Variants in DNAH3 observed in about 807,000 individuals in gnomAD.
DNAH3 encodes dynein axonemal heavy chain 3, also known as axonemal beta dynein heavy chain 3.
In DNAH3, 332 loss-of-function variants were observed where a neutral mutation model predicts 432.5. The observed-to-expected ratio is 0.77, with a 90% CI of 0.70 to 0.84. The LOEUF is 0.84. DNAH3 is among the 40% of genes least tolerant of loss of function. The pLI is 0.00. For synonymous variants in DNAH3, 1,956 were observed against 1,900.2 expected (o/e 1.03, Z -0.76); for missense variants, 4,861 against 5,114.0 (o/e 0.95, Z 1.51).
At chr16:21,153,907 A>T (rs927318941) in intron 1 of DNAH3, among the ~76,000 whole-genome samples, 41 of 152,182 alleles carry the variant, frequency 2.7e-4, no homozygotes, top group Admixed American at 9.8e-4. Context: ...CTTTCAAAAT[A>T]ACCCTGAGCT....
chr16:21,100,636 G>A (rs2091813686), intron 16 of DNAH3, among the ~76,000 whole-genome samples: 1 of 152,068 alleles, frequency 6.6e-6, no homozygotes, highest in East Asian at 1.9e-4. Context: ...CCCTTTTATG[G>A]CAGAGAGCAG....
Position 21,062,899 on chromosome 16 carries a change from G to T in DNAH3, c.3519-216C>A. On this transcript the variant is annotated intron_variant, in intron 24 of 61. Coordinates refer to ENST00000261383, the Ensembl canonical transcript of DNAH3. ...GATGAGGTCTTGCCATATTGCCCAGGCTAGACTTGAACTCCTGGGCTCAAG... is the reference window on the plus strand; with the variant it reads ...GATGAGGTCTTGCCATATTGCCCAGTCTAGACTTGAACTCCTGGGCTCAAG... The T allele has an allele frequency of 7.5e-6, 4 of 535,134 alleles. No individual in the cohort carries two copies. In the South Asian group the frequency reaches 9.4e-5, roughly 13 times the overall value. The allele number at this position is 535,134 out of a possible 1,614,324, so 33.1% of individuals were successfully genotyped here. A position where few individuals can be genotyped will look rare whatever the true frequency, so the allele number is the denominator to read the frequency against.
chr16:20,971,979 A>G (rs2085362076), intron 51 of DNAH3, among the ~76,000 whole-genome samples: 1 of 152,226 alleles, frequency 6.6e-6, no homozygotes, highest in Non-Finnish European at 1.5e-5. Flanking sequence ...GCAAAAATTG[A>G]GCCCTGATGT....
At chr16:21,012,438 A>G (rs1256696406) in intron 41 of DNAH3, among the ~76,000 whole-genome samples, 1 of 152,246 alleles carries the variant, frequency 6.6e-6, no homozygotes, top group South Asian at 2.1e-4. Context: ...AAAGAAGAAG[A>G]AATTTAAATT....
chr16:21,093,923 T>C (rs76202281), intron 18 of DNAH3, among the ~76,000 whole-genome samples: 4,145 of 152,176 alleles, frequency 0.027, 125 homozygotes, highest in African/African-American at 0.069. Context: ...AAATGGACCA[T>C]AGGTCTAAAT....
chr16:20,987,578 A>ATT, intron 46 of DNAH3, 115 bp downstream of exon 46: 1 of 1,523,628 alleles, frequency 6.6e-7, no homozygotes, highest in Non-Finnish European at 9.0e-7. Context: ...GCTTAGCACA[A>ATT]TGCCTAGCAT....
intron 26 of DNAH3, 84 bp from the exon 27 acceptor site, chr16:21,058,280 A>T (rs2090206766): frequency 2.8e-6 from 2 of 724,904 alleles, no homozygotes; most frequent in Non-Finnish European, 4.8e-6. Flanking sequence ...CAACCACCTC[A>T]CCACCGCAAC....
chr16:20,981,907 T>C (rs923990090), intron 49 of DNAH3, among the ~76,000 whole-genome samples: 2 of 150,348 alleles, frequency 1.3e-5, no homozygotes, highest in African/African-American at 2.4e-5. Context: ...AATAAAATGC[T>C]TTTTTTATAT....
At chr16:21,121,424 C>T (rs969047020) in intron 10 of DNAH3, among the ~76,000 whole-genome samples, 1 of 152,100 alleles carries the variant, frequency 6.6e-6, no homozygotes, top group African/African-American at 2.4e-5. Flanking sequence ...AATAAGCACA[C>T]AGAAGAGTGA....
rs531150868 is a variant in DNAH3, at chr16:21,057,239, G to A, written c.3924+847C>T. On this transcript the variant is annotated intron_variant, in intron 27 of 61. Transcript: ENST00000261383. ...CCCTGGCCAACATAGTGAGACCCCCGTCTCTAGTTTAAAAAATAGAAAAAG... is the reference window on the plus strand; with the variant it reads ...CCCTGGCCAACATAGTGAGACCCCCATCTCTAGTTTAAAAAATAGAAAAAG... Among the ~76,000 whole-genome samples, 155 of 152,164 alleles carry A rather than the reference G, an allele frequency of 1.0e-3. 1 individual carries two copies. Among genetic ancestry groups the A allele is most frequent in the African/African-American group, 3.2e-3 (132 of 41,516 alleles).
At chr16:21,060,730 T>C (rs1361829926) in intron 25 of DNAH3, among the ~76,000 whole-genome samples, 3 of 151,564 alleles carry the variant, frequency 2.0e-5, no homozygotes, top group Non-Finnish European at 4.4e-5. Context: ...TTTCACCATG[T>C]TGGCCAGGAT....
intron 18 of DNAH3, among the ~76,000 whole-genome samples, chr16:21,088,468 T>G (rs1036775489): frequency 2.0e-5 from 3 of 152,206 alleles, no homozygotes. Context: ...AGCATTTCTA[T>G]TAGAAGCAAT....
At chr16:20,997,177 G>A (rs970666096) in intron 44 of DNAH3, 106 bp downstream of exon 44, 14 of 1,086,076 alleles carry the variant, frequency 1.3e-5, no homozygotes, top group African/African-American at 1.1e-4. Flanking sequence ...CTCCTGCCAC[G>A]TGGTTTGGCA....
chr16:21,002,174 C>T (rs756211872), intron 42 of DNAH3, among the ~76,000 whole-genome samples: 2 of 152,058 alleles, frequency 1.3e-5, no homozygotes, highest in Non-Finnish European at 2.9e-5. Context: ...CCTACCACTC[C>T]ACCCAGGGCC....
chr16:21,020,209 A>G (rs1340320223), intron 40 of DNAH3, among the ~76,000 whole-genome samples: 2 of 149,430 alleles, frequency 1.3e-5, no homozygotes, highest in Admixed American at 6.7e-5. Flanking sequence ...TTTTATAGAG[A>G]TGGGGTTTTG....
chr16:20,975,056 C>G (rs1198322688), intron 51 of DNAH3, among the ~76,000 whole-genome samples, 177 bp downstream of exon 51: 1 of 148,590 alleles, frequency 6.7e-6, no homozygotes, highest in Non-Finnish European at 1.5e-5. Flanking sequence ...GTCTTGAACT[C>G]CTAACCTCAG....
At chr16:21,069,302 T>C (rs754543412) in intron 23 of DNAH3, 113 bp downstream of exon 23, 1 of 946,486 alleles carries the variant, frequency 1.1e-6, no homozygotes, top group South Asian at 1.5e-5. Context: ...ATAAAAAGAT[T>C]GATTTTCCAA....
At chr16:21,076,785 T>C (rs1003180589) in intron 20 of DNAH3, among the ~76,000 whole-genome samples, 1 of 152,202 alleles carries the variant, frequency 6.6e-6, no homozygotes, top group Non-Finnish European at 1.5e-5. Context: ...CTCATTCTAT[T>C]TTGGAAAACA....
chr16:21,131,908 A>G (rs1344291890), intron 7 of DNAH3, among the ~76,000 whole-genome samples: 2 of 151,992 alleles, frequency 1.3e-5, no homozygotes, highest in African/African-American at 4.8e-5. Context: ...GAAAGAAAGA[A>G]AAGAAAACAG....
Sources: gnomAD v4.1 joint callset for allele counts (sites outside exome capture counted in the v4.1 genomes callset) on GRCh38, gnomAD v4.1.1 for gene constraint, MANE v1.5 for transcripts, NCBI Gene and HGNC (gene_info 2026-07-23, HGNC 2026-07-21) for gene names.